DOCK1: variants seen among roughly 807,000 people sequenced by gnomAD.
DOCK1 encodes the protein dedicator of cytokinesis 1.
Under a neutral mutation model 262.7 loss-of-function variants are expected in DOCK1, and 138 were observed. That is an observed-to-expected ratio of 0.53 (90% CI 0.46 to 0.61). DOCK1 has a LOEUF of 0.61. Among genes scored for constraint, DOCK1 ranks in the 20% least tolerant of loss-of-function variants. The probability of loss-of-function intolerance (pLI) is 0.00; values close to 1 mark genes in which losing one functional copy is unlikely to be tolerated. For missense variants in DOCK1, 1,908 were observed against 2,370.7 expected (o/e 0.80, Z 4.05); for synonymous variants, 866 against 867.4 (o/e 1.00, Z 0.03).
At chr10:127,138,106 T>C in intron 27 of DOCK1, 1 of 1,180,732 alleles carries the variant, frequency 8.5e-7, no homozygotes, top group Non-Finnish European at 1.2e-6. Context: ...TTGGGCATGA[T>C]CAGTGTGTGT....
chr10:126,961,840 T>C (rs1338614923), intron 1 of DOCK1, among the ~76,000 whole-genome samples: 1 of 152,200 alleles, frequency 6.6e-6, no homozygotes, highest in African/African-American at 2.4e-5. Context: ...ACCTTGCTTC[T>C]GGTTCTCTTG....
At chr10:127,398,308 A>G (rs2067033750) in intron 38 of DOCK1, among the ~76,000 whole-genome samples, 1 of 152,178 alleles carries the variant, frequency 6.6e-6, no homozygotes. Context: ...ATGCTTGCAA[A>G]GGGTCTCCAT....
chr10:126,953,070 T>G, intron 1 of DOCK1, among the ~76,000 whole-genome samples: 1 of 151,698 alleles, frequency 6.6e-6, no homozygotes, highest in South Asian at 2.1e-4. Flanking sequence ...GTAGTATTTT[T>G]GGTAGTGGTG....
chr10:127,137,099 C>T (rs2050766438), intron 27 of DOCK1: 1 of 152,614 alleles, frequency 6.6e-6, no homozygotes, highest in South Asian at 2.1e-4. Context: ...ACCCTGTCTA[C>T]TTGCAGTGAT....
chr10:127,124,062 C>T (rs767634620), intron 25 of DOCK1, among the ~76,000 whole-genome samples: 9 of 152,212 alleles, frequency 5.9e-5, no homozygotes, highest in African/African-American at 2.2e-4. Context: ...ACATGTGATC[C>T]GCTGGAGACA....
intron 29 of DOCK1, among the ~76,000 whole-genome samples, chr10:127,293,471 C>T (rs958322971): frequency 6.6e-6 from 1 of 152,212 alleles, no homozygotes; most frequent in Non-Finnish European, 1.5e-5. Flanking sequence ...CTTGCATTCT[C>T]CCTTGGTACA....
intron 25 of DOCK1, among the ~76,000 whole-genome samples, chr10:127,117,300 C>T (rs1190895830): frequency 6.6e-6 from 1 of 152,202 alleles, no homozygotes; most frequent in African/African-American, 2.4e-5. Context: ...CACCAGAGTT[C>T]AGCCAGAAGC....
intron 38 of DOCK1, 43 bp downstream of exon 38, chr10:127,384,952 G>A: frequency 6.5e-7 from 1 of 1,527,354 alleles, no homozygotes. Flanking sequence ...CTCTTTCCAT[G>A]CACCTACCTG....
rs1311533737 is a variant in DOCK1, at chr10:126,942,928, T to A, written c.47-27774T>A. Among the ~76,000 whole-genome samples, 8 of 152,296 alleles carry A rather than the reference T, an allele frequency of 5.3e-5. No homozygotes were observed. The East Asian group carries it at 1.5e-3, about 29-fold the overall frequency. On this transcript the variant is annotated intron_variant, in intron 1 of 51. Transcript: ENST00000623213. ...AGTTACTATCCTAAAATATATTGAT[T>A]TCTTTTTCTTGTTCATCTAGAAATG... is the stretch of plus-strand genomic sequence containing the variant.
chr10:127,438,890 GAA>G, intron 48 of DOCK1, 135 bp from the exon 49 acceptor site: 1 of 818,712 alleles, frequency 1.2e-6, no homozygotes, highest in South Asian at 1.9e-5. Context: ...CTGTGTATCT[GAA>G]GTCACCCTTG....
intron 29 of DOCK1, among the ~76,000 whole-genome samples, chr10:127,336,542 T>G (rs575403643): frequency 4.9e-4 from 75 of 151,956 alleles, no homozygotes; most frequent in East Asian, 4.8e-3. Context: ...ATAGTTTTTT[T>G]TTTTTTTTTT....
intron 23 of DOCK1, among the ~76,000 whole-genome samples, chr10:127,094,058 T>A (rs1190676367): frequency 6.6e-6 from 1 of 152,026 alleles, no homozygotes; most frequent in Non-Finnish European, 1.5e-5. Context: ...AGTTCCTACC[T>A]CTTTGCCTGC....
intron 43 of DOCK1, 73 bp from the exon 44 acceptor site, chr10:127,415,079 C>T (rs2068078989): frequency 1.4e-6 from 2 of 1,393,462 alleles, no homozygotes; most frequent in African/African-American, 1.4e-5. Flanking sequence ...TTCTATAAAT[C>T]CCCCTTAGGG....
chr10:126,937,370 C>T (rs2034621762), intron 1 of DOCK1, among the ~76,000 whole-genome samples: 1 of 152,178 alleles, frequency 6.6e-6, no homozygotes, highest in Admixed American at 6.5e-5. Flanking sequence ...ATTGGTAGGT[C>T]ATATAGTAAT....
At chr10:127,024,059 C>T (rs1446397066) in intron 14 of DOCK1, among the ~76,000 whole-genome samples, 5 of 152,296 alleles carry the variant, frequency 3.3e-5, no homozygotes, top group East Asian at 3.9e-4. Flanking sequence ...AAGCTATTGC[C>T]TCCTCTGATG....
chr10:127,393,399 G>A (rs1333623742), intron 38 of DOCK1, among the ~76,000 whole-genome samples: 1 of 152,120 alleles, frequency 6.6e-6, no homozygotes, highest in African/African-American at 2.4e-5. Context: ...TACTCTGTGG[G>A]AAGGATATAC....
chr10:127,380,584 A>G (rs2065772713), intron 36 of DOCK1, among the ~76,000 whole-genome samples: 1 of 152,168 alleles, frequency 6.6e-6, no homozygotes, highest in Non-Finnish European at 1.5e-5. Context: ...AAGAAGAGAA[A>G]CATTTTGCAT....
At chr10:127,123,737 C>G (rs546326698) in intron 25 of DOCK1, among the ~76,000 whole-genome samples, 1 of 152,254 alleles carries the variant, frequency 6.6e-6, no homozygotes, top group Non-Finnish European at 1.5e-5. Context: ...TCGGGTGGCT[C>G]TAACACTAGG....
intron 27 of DOCK1, chr10:127,196,225 C>A (rs1268090593): frequency 6.7e-6 from 1 of 149,104 alleles, no homozygotes; most frequent in Non-Finnish European, 1.5e-5. Context: ...GCCCGGCCGG[C>A]CCCCGCGCCG....
Sources: allele counts gnomAD v4.1 joint callset (sites outside exome capture counted in the v4.1 genomes callset), GRCh38; gene constraint gnomAD v4.1.1; transcripts MANE v1.5; gene names NCBI Gene and HGNC (gene_info 2026-07-23, HGNC 2026-07-21).